SLC35D1: variants seen among roughly 807,000 people sequenced by gnomAD.
SLC35D1 encodes the protein nucleotide sugar transporter SLC35D1.
SLC35D1 carries 31 observed loss-of-function variants against 46.7 expected under a neutral mutation model. That is an observed-to-expected ratio of 0.66 (90% CI 0.50 to 0.90). SLC35D1 has a LOEUF of 0.90. SLC35D1 is among the 40% of genes least tolerant of loss of function. SLC35D1 has a pLI of 0.00. For synonymous variants in SLC35D1, 195 were observed against 164.6 expected (o/e 1.18, Z -1.41); for missense variants, 397 against 426.2 (o/e 0.93, Z 0.60).
chr1:67,029,861 T>A (rs1032688554), intron 8 of SLC35D1, among the ~76,000 whole-genome samples: 1 of 152,254 alleles, frequency 6.6e-6, no homozygotes, highest in African/African-American at 2.4e-5. Context: ...ACATTTTAAC[T>A]GTTTCTTACA....
intron 5 of SLC35D1, 24 bp from the exon 6 acceptor site, chr1:67,049,874 TAC>T (rs755337429): frequency 7.8e-6 from 12 of 1,536,450 alleles, no homozygotes; most frequent in Non-Finnish European, 9.9e-6. Flanking sequence ...AATTTTAAAA[TAC>T]ACACATGACT....
chr1:67,053,376 T>A (rs1172230411), intron 1 of SLC35D1, among the ~76,000 whole-genome samples: 1 of 151,806 alleles, frequency 6.6e-6, no homozygotes, highest in Non-Finnish European at 1.5e-5. Context: ...GATGCGTACG[T>A]CCCCAGAGGC....
At chr1:67,027,023 T>A (rs1047587756) in intron 8 of SLC35D1, among the ~76,000 whole-genome samples, 3 of 152,104 alleles carry the variant, frequency 2.0e-5, no homozygotes, top group Non-Finnish European at 4.4e-5. Context: ...CAATTCAAGA[T>A]GAGATTTGGG....
At chr1:67,045,497 C>T (rs1645242968) in intron 7 of SLC35D1, among the ~76,000 whole-genome samples, 1 of 152,154 alleles carries the variant, frequency 6.6e-6, no homozygotes, top group Non-Finnish European at 1.5e-5. Context: ...CTCTCTGCCT[C>T]TAAATAGAAT....
rs1667285949 is a variant in SLC35D1 at position 66,999,464 on chromosome 1, T to C, written c.*4876A>G. On this transcript the variant is annotated 3_prime_UTR_variant, in exon 12 of 12. Coordinates refer to ENST00000235345, the MANE Select transcript of SLC35D1 (RefSeq NM_015139.3). ...GTTTATGTCACCTGATTTACATACCTCAATTCCTCAGTACCTTTTAACACT... is the reference window on the plus strand; with the variant it reads ...GTTTATGTCACCTGATTTACATACCCCAATTCCTCAGTACCTTTTAACACT... 1.3e-5 allele frequency: 2 copies of C among 152,268 alleles called. No homozygotes were observed. The highest frequency in any genetic ancestry group is 2.9e-5 in the Non-Finnish European group (2 of 68,022). 9.4% of individuals were successfully genotyped at this position (152,268 alleles called of 1,614,324 possible).
In SLC35D1 at chr1:67,052,945, T is replaced by C; in HGVS notation, c.237+11A>G. The C allele has an allele frequency of 6.2e-7, 1 of 1,614,084 alleles. No individual in the cohort carries two copies. The highest frequency in any genetic ancestry group is 8.5e-7 in the Non-Finnish European group (1 of 1,180,036). On this transcript the variant is annotated intron_variant, in intron 2 of 11. Coordinates refer to ENST00000235345, the MANE Select transcript of SLC35D1 (RefSeq NM_015139.3). ...AACATAAACCACGTAATGGTGAGGATTCCAACTAACCTGGCCAAGTCCAAC... is the reference window on the plus strand; with the variant it reads ...AACATAAACCACGTAATGGTGAGGACTCCAACTAACCTGGCCAAGTCCAAC...
At chr1:66,973,098 A>T in the SLC35D1 span, 254 of 611,520 alleles carry the variant, frequency 4.2e-4, no homozygotes, top group Non-Finnish European at 6.6e-4. Context: ...TTTCATAATT[A>T]ATATGACAAT....
At chr1:67,052,398 A>G (rs1215279088) in intron 3 of SLC35D1, among the ~76,000 whole-genome samples, 2 of 152,180 alleles carry the variant, frequency 1.3e-5, no homozygotes, top group East Asian at 1.9e-4. Context: ...GTCAGCAGAA[A>G]AAGTAAAGGC....
chr1:67,041,626 C>T (rs187754699), intron 8 of SLC35D1, among the ~76,000 whole-genome samples: 2 of 152,296 alleles, frequency 1.3e-5, no homozygotes, highest in African/African-American at 4.8e-5. Context: ...TTGTCTCCTA[C>T]ACGGGCTTGT....
At chr1:67,029,912 TTTA>T (rs1273931392) in intron 8 of SLC35D1, among the ~76,000 whole-genome samples, 2 of 152,244 alleles carry the variant, frequency 1.3e-5, no homozygotes, top group Non-Finnish European at 2.9e-5. Flanking sequence ...CGCCCCAAGC[TTTA>T]TTAAGGTATA....
At chr1:67,012,658 T>C (rs1667592174) in intron 10 of SLC35D1, among the ~76,000 whole-genome samples, 1 of 151,788 alleles carries the variant, frequency 6.6e-6, no homozygotes, top group Admixed American at 6.6e-5. Context: ...GTCTTACAAA[T>C]TTTTCTCTTG....
the SLC35D1 span, chr1:66,973,117 A>G: frequency 1.7e-6 from 1 of 590,376 alleles, no homozygotes; most frequent in Non-Finnish European, 3.0e-6. Flanking sequence ...ATATTTTGGT[A>G]TTTAGTGAGT....
At chr1:66,990,894 C>T in the SLC35D1 span, among the ~76,000 whole-genome samples, 1 of 152,122 alleles carries the variant, frequency 6.6e-6, no homozygotes, top group Non-Finnish European at 1.5e-5. Flanking sequence ...GTCTGTTTTC[C>T]TCACCATCAT....
At chr1:66,986,282 A>G in the SLC35D1 span, 2 of 1,456,722 alleles carry the variant, frequency 1.4e-6, no homozygotes, top group South Asian at 1.5e-5. Context: ...TAGCCTTGTA[A>G]AAGTGCCATT....
intron 11 of SLC35D1, among the ~76,000 whole-genome samples, chr1:67,005,252 C>T (rs921329046): frequency 5.9e-5 from 9 of 152,304 alleles, no homozygotes; most frequent in South Asian, 2.1e-4. Flanking sequence ...CTGACCTGGG[C>T]GCCAATTCTT....
intron 8 of SLC35D1, 34 bp from the exon 9 acceptor site, chr1:67,021,636 C>T (rs368141279): frequency 1.2e-5 from 20 of 1,605,148 alleles, no homozygotes; most frequent in East Asian, 1.1e-4. Context: ...AATTTTAGAC[C>T]AGGCCTTCAA....
chr1:67,024,714 G>A (rs1667881762), intron 8 of SLC35D1, among the ~76,000 whole-genome samples: 1 of 152,016 alleles, frequency 6.6e-6, no homozygotes, highest in African/African-American at 2.4e-5. Context: ...TTCTCCCTGT[G>A]TGCATACCTG....
chr1:66,989,613 A>G, the SLC35D1 span, among the ~76,000 whole-genome samples: 1 of 152,052 alleles, frequency 6.6e-6, no homozygotes, highest in Admixed American at 6.6e-5. Context: ...ACAGTTGTGC[A>G]CCACCATGCT....
chr1:66,974,156 C>A, the SLC35D1 span, among the ~76,000 whole-genome samples: 1 of 151,592 alleles, frequency 6.6e-6, no homozygotes, highest in Admixed American at 6.6e-5. Flanking sequence ...TTAGTTCATT[C>A]TTAATTATTT....
Sources: allele counts gnomAD v4.1 joint callset (sites outside exome capture counted in the v4.1 genomes callset), GRCh38; gene constraint gnomAD v4.1.1; transcripts MANE v1.5; gene names NCBI Gene and HGNC (gene_info 2026-07-23, HGNC 2026-07-21).